GTF3C1: variants seen among roughly 807,000 people sequenced by gnomAD.
The protein encoded by GTF3C1 is general transcription factor 3C polypeptide 1.
In GTF3C1, 57 loss-of-function variants were observed where a neutral mutation model predicts 226.7. The observed-to-expected ratio is 0.25, with a 90% confidence interval of 0.20 to 0.31. The LOEUF is 0.31. Among genes scored for constraint, GTF3C1 ranks in the 10% least tolerant of loss-of-function variants. The pLI, the probability that GTF3C1 is intolerant of heterozygous loss-of-function variation, is 1.00. For missense variants in GTF3C1, 2,217 were observed against 2,776.1 expected (o/e 0.80, Z 4.53); for synonymous variants, 1,090 against 1,084.8 (o/e 1.00, Z -0.09).
At position 27,507,014 on chromosome 16, in the gene GTF3C1, T is replaced by C. The variant is rs752905783; in HGVS notation, c.1385A>G (p.Gln462Arg). 1 of 1,613,864 alleles carries C rather than the reference T, an allele frequency of 6.2e-7. No individual in the cohort carries two copies. The highest frequency in any genetic ancestry group is 8.5e-7 in the Non-Finnish European group (1 of 1,179,968). Residue 462 changes from glutamine (Q) to arginine (R), a missense_variant, in exon 9 of 37, where the codon CAG becomes CGG. Physicochemically the swap from Gln to Arg is conservative, Grantham distance 43. Transcript: ENST00000356183. This position sits in a 1 kb window ranked among gnomAD's most constrained non-coding sequence, Gnocchi z 4.9. Reference protein sequence around the residue: ...LLTTVSLASMQEESLLPEGED... With the variant: ...LLTTVSLASMREESLLPEGED... Reference sequence around the variant, plus strand: ...GCCTTCAGGCAGAAGCGACTCCTCCTGCATAGACGCCAGGCTCACGGTGGT... The same window carrying C: ...GCCTTCAGGCAGAAGCGACTCCTCCCGCATAGACGCCAGGCTCACGGTGGT...
intron 25 of GTF3C1, among the ~76,000 whole-genome samples, chr16:27,483,692 A>C (rs1430537074): frequency 6.6e-6 from 1 of 152,224 alleles, no homozygotes; most frequent in African/African-American, 2.4e-5. Flanking sequence ...CAGCCTGGTA[A>C]GGCAAGGGGA....
At chr16:27,548,727 T>C (rs1444639061) in intron 1 of GTF3C1, among the ~76,000 whole-genome samples, 1 of 152,214 alleles carries the variant, frequency 6.6e-6, no homozygotes, top group Non-Finnish European at 1.5e-5. Context: ...TGTCTTCCTC[T>C]GTAAAATGAG....
Position 27,471,988 on chromosome 16 carries a change from G to C in GTF3C1, c.4354-68C>G. The C allele has an allele frequency of 7.2e-7, 1 of 1,397,298 alleles. No individual in the cohort carries two copies. The highest frequency in any genetic ancestry group is 1.0e-6 in the Non-Finnish European group (1 of 990,004). The allele number at this position is 1,397,298 out of a possible 1,614,324, so 86.6% of individuals were successfully genotyped here. ...GCCACGGAGAGGGCTGGGGTATGTG[G>C]AGGCAGAGGCTGCGGCTGATGCTTT... On this transcript the variant is annotated intron_variant, in intron 29 of 36. Coordinates refer to ENST00000356183, the MANE Select transcript of GTF3C1 (RefSeq NM_001520.4). The surrounding 1 kb of genome is among the most constrained non-coding windows in gnomAD (Gnocchi z 5.0).
At chr16:27,536,496 C>T (rs779407060) in intron 4 of GTF3C1, among the ~76,000 whole-genome samples, 12 of 152,144 alleles carry the variant, frequency 7.9e-5, no homozygotes, top group Non-Finnish European at 1.6e-4. Flanking sequence ...ACTCGGGAGG[C>T]TGAGGCAGAA....
chr16:27,467,830 G>A (rs940955767), intron 32 of GTF3C1, among the ~76,000 whole-genome samples: 4 of 152,048 alleles, frequency 2.6e-5, no homozygotes, highest in South Asian at 2.1e-4. Context: ...AGATCATGCC[G>A]CCGCACTCCA....
intron 6 of GTF3C1, among the ~76,000 whole-genome samples, chr16:27,514,646 A>C (rs1035273172): frequency 6.6e-6 from 1 of 152,048 alleles, no homozygotes; most frequent in African/African-American, 2.4e-5. Flanking sequence ...CCATTACTAT[A>C]TCCTGGATGC....
rs1264983962 is a variant in GTF3C1, at chr16:27,469,219, A to G, written c.5074+72T>C. On this transcript the variant is annotated intron_variant, in intron 32 of 36. Transcript: ENST00000356183. The surrounding 1 kb of genome is among the most constrained non-coding windows in gnomAD (Gnocchi z 4.5). ...TGGGGAGCCTGAAGGTCTAGGTCCC[A>G]GGCCAGGCCTCAGGGTCTTCCTGGA... is the stretch of plus-strand genomic sequence containing the variant. 7.5e-6 allele frequency: 11 copies of G among 1,457,558 alleles called. No individual in the cohort carries two copies. Among genetic ancestry groups the G allele is most frequent in the Non-Finnish European group, 9.2e-6 (10 of 1,085,482 alleles). 90.3% of individuals were successfully genotyped at this position (1,457,558 alleles called of 1,614,324 possible).
chr16:27,464,320 C>A lies in GTF3C1; in HGVS notation c.5872G>T (p.Gly1958Trp). The A allele has an allele frequency of 6.7e-7, 1 of 1,487,466 alleles. No homozygotes were observed. The highest frequency in any genetic ancestry group is 8.9e-7 in the Non-Finnish European group (1 of 1,120,740). 92.1% of individuals were successfully genotyped at this position (1,487,466 alleles called of 1,614,324 possible). A position where few individuals can be genotyped will look rare whatever the true frequency, so the allele number is the denominator to read the frequency against. Residue 1958 changes from glycine (G) to tryptophan (W), a missense_variant and splice_region_variant, in exon 34 of 37, where the codon GGG (glycine) becomes TGG (tryptophan). By Grantham distance (184) the Gly-to-Trp change is radical. Transcript: ENST00000356183. ...GGGTGGGGGACAAGGCGCGCGGTAC[C>A]TCTGGGGTCTTCAGAGCCCTCTGGA... is the stretch of plus-strand genomic sequence containing the variant. ...QPPEGSEDPR[G>W]FTESFGAANI...
In GTF3C1 at chr16:27,533,402, G is replaced by C; in HGVS notation, c.753-15C>G. The C allele has an allele frequency of 6.8e-7, 1 of 1,478,730 alleles. No homozygotes were observed. The highest frequency in any genetic ancestry group is 9.5e-7 in the Non-Finnish European group (1 of 1,057,376). The allele number at this position is 1,478,730 out of a possible 1,614,324, so 91.6% of individuals were successfully genotyped here. A position where few individuals can be genotyped will look rare whatever the true frequency, so the allele number is the denominator to read the frequency against. On this transcript the variant is annotated splice_polypyrimidine_tract_variant and intron_variant, in intron 4 of 36. Transcript: ENST00000356183. Reference sequence around the variant, plus strand: ...ATTTGCTCCTCCTGCAAGAAACACCGAGCAATTCGTTTTTTCAAACCTGTT... The same window carrying C: ...ATTTGCTCCTCCTGCAAGAAACACCCAGCAATTCGTTTTTTCAAACCTGTT...
In GTF3C1 at chr16:27,545,348, G is replaced by T; in HGVS notation, c.397C>A (p.Gln133Lys). 1 of 1,613,696 alleles carries T rather than the reference G, an allele frequency of 6.2e-7. No homozygotes were observed. Among genetic ancestry groups the T allele is most frequent in the South Asian group, 1.1e-5 (1 of 91,084 alleles). The change falls in exon 2 of 37, where the codon CAG becomes AAG. Residue 133 changes from glutamine to lysine, a missense_variant. Around this residue, in one of 12 missense-constraint regions of GTF3C1, gnomAD observed 192 missense variants for 251.8 expected, o/e 0.76. Coordinates refer to ENST00000356183, the MANE Select transcript of GTF3C1 (RefSeq NM_001520.4). ...GCTTCCACCATTGTACAGCGAGGCT[G>T]CAAGGACTTGGTTCTGATGTCATTG... ...ITNDIRTKSLQPRCTMVEAFD... is the reference protein window; with the variant it reads ...ITNDIRTKSLKPRCTMVEAFD...
intron 5 of GTF3C1, among the ~76,000 whole-genome samples, chr16:27,532,881 C>T (rs936602331): frequency 1.3e-5 from 2 of 152,182 alleles, no homozygotes; most frequent in Non-Finnish European, 2.9e-5. Context: ...CCCCTGTAAT[C>T]CCAGCACTTT....
Position 27,469,349 on chromosome 16 carries a change from G to A in GTF3C1, c.5016C>T (p.Ser1672=). ...LNPNDSIVVN[S]CQMKFQLRCT... is the part of the protein sequence containing the mutation. ...AGCGGAGCTGGAACTTCATCTGGCA[G>A]GAGTTGACCACAATGCTGTCGTTGG... is the stretch of plus-strand genomic sequence containing the variant. The change falls in exon 32 of 37, where the codon TCC becomes TCT. Residue 1672 remains serine, a synonymous_variant. Transcript: ENST00000356183. The surrounding 1 kb of genome is among the most constrained non-coding windows in gnomAD (Gnocchi z 4.5). The A allele has an allele frequency of 6.2e-7, 1 of 1,602,362 alleles. No homozygotes were observed. The highest frequency in any genetic ancestry group is 8.5e-7 in the Non-Finnish European group (1 of 1,174,342).
chr16:27,536,273 T>C (rs2088999926), intron 4 of GTF3C1, among the ~76,000 whole-genome samples: 1 of 152,230 alleles, frequency 6.6e-6, no homozygotes, highest in East Asian at 1.9e-4. Flanking sequence ...CAGTAGGCTA[T>C]TAGTAGTTAA....
At position 27,519,156 on chromosome 16, in the gene GTF3C1, AT is replaced by A. The variant is rs1357846539; in HGVS notation, c.974-7256del. On this transcript the variant is annotated intron_variant, in intron 6 of 36. Transcript: ENST00000356183. ...AGTAAAGGATACTAAGAATTGTCTGATAAGGCAGAAGAAGACAGGTGTTCCA... is the reference window on the plus strand; with the variant it reads ...AGTAAAGGATACTAAGAATTGTCTGAAAGGCAGAAGAAGACAGGTGTTCCA... 6.2e-5 allele frequency among the ~76,000 whole-genome samples: 8 copies of A among 128,800 alleles called. No homozygotes were observed. In the South Asian group the frequency reaches 8.4e-4, roughly 14 times the overall value. The allele number at this position is 128,800 out of a possible 152,430, so 84.5% of individuals were successfully genotyped here.
At chr16:27,546,341 T>C (rs1277430763) in intron 1 of GTF3C1, among the ~76,000 whole-genome samples, 2 of 152,102 alleles carry the variant, frequency 1.3e-5, no homozygotes, top group Non-Finnish European at 2.9e-5. Context: ...CCAAATATGA[T>C]TACCTCTCCC....
intron 5 of GTF3C1, among the ~76,000 whole-genome samples, chr16:27,531,576 T>C (rs1446797768): frequency 6.6e-6 from 1 of 152,264 alleles, no homozygotes; most frequent in African/African-American, 2.4e-5. Context: ...TGGCTAACTT[T>C]CACCATCTTA....
intron 29 of GTF3C1, among the ~76,000 whole-genome samples, chr16:27,473,293 C>T (rs1204632082): frequency 2.0e-5 from 3 of 152,254 alleles, no homozygotes; most frequent in Non-Finnish European, 4.4e-5. Flanking sequence ...GCTCAGCCTG[C>T]TAAGTCTCAT....
At chr16:27,533,989 G>A (rs1390511751) in intron 4 of GTF3C1, among the ~76,000 whole-genome samples, 3 of 152,318 alleles carry the variant, frequency 2.0e-5, no homozygotes, top group Non-Finnish European at 2.9e-5. Flanking sequence ...TTGGGTGACA[G>A]AGCGAGACTC....
chr16:27,486,454 T>C (rs1337454243), intron 23 of GTF3C1, among the ~76,000 whole-genome samples: 1 of 152,192 alleles, frequency 6.6e-6, no homozygotes, highest in African/African-American at 2.4e-5. Context: ...TCCCCCACTG[T>C]GACAGAGTCC....
Sources: gnomAD v4.1 joint callset for allele counts (sites outside exome capture counted in the v4.1 genomes callset) on GRCh38, gnomAD v4.1.1 for gene constraint, gnomAD v4.1.1 regional missense constraint, Gnocchi (gnomAD v3.1) non-coding constraint, MANE v1.5 for transcripts, NCBI Gene and HGNC (gene_info 2026-07-23, HGNC 2026-07-21) for gene names.